Variants in SEPTIN6 observed in about 807,000 individuals in gnomAD.
The protein encoded by SEPTIN6 is septin 6, also known as septin-6.
In SEPTIN6, 8 loss-of-function variants were observed where a neutral mutation model predicts 33.6. That is an observed-to-expected ratio of 0.24 (90% CI 0.14 to 0.43). The LOEUF (loss-of-function observed/expected upper bound fraction) is 0.43, where lower values mean the gene tolerates loss of function less well. SEPTIN6 is among the 20% of genes least tolerant of loss of function. SEPTIN6 has a pLI of 1.00. For missense variants in SEPTIN6, 250 were observed against 340.8 expected (o/e 0.73, Z 2.10); for synonymous variants, 131 against 140.0 (o/e 0.94, Z 0.45).
At chrX:119,684,136 G>T (rs548401282) in intron 1 of SEPTIN6, among the ~76,000 whole-genome samples, 1 of 110,228 alleles carries the variant, frequency 9.1e-6, no homozygotes, top group Non-Finnish European at 1.9e-5. Flanking sequence ...GTAGAGATGG[G>T]GTTTCACCAT....
intron 10 of SEPTIN6, among the ~76,000 whole-genome samples, chrX:119,623,836 C>G (rs192153487): frequency 1.8e-5 from 2 of 111,433 alleles, no homozygotes; most frequent in Admixed American, 1.9e-4. Flanking sequence ...GAGACTCCGT[C>G]TCAAAAAAAG....
At chrX:119,689,347 A>G (rs2055116230) in intron 1 of SEPTIN6, among the ~76,000 whole-genome samples, 1 of 111,935 alleles carries the variant, frequency 8.9e-6, no homozygotes, top group South Asian at 3.7e-4. Context: ...CTCGAAATAT[A>G]TATTAATAGC....
intron 10 of SEPTIN6, among the ~76,000 whole-genome samples, chrX:119,623,242 C>A (rs761591974): frequency 5.4e-5 from 6 of 111,981 alleles, no homozygotes; most frequent in Non-Finnish European, 1.1e-4. Context: ...ATTTATGAGA[C>A]AACCGGGATG....
rs777283174 is a variant in SEPTIN6 at position 119,653,018 on chromosome X, T to C, written c.364A>G (p.Ile122Val). ...AGGTAGGCCTCGAATTGTGCATCGA[T>C]GAATTCCACGATAGGCTTGTAGCTA... Reference protein sequence around the residue: ...EDSYKPIVEFIDAQFEAYLQE... With the variant: ...EDSYKPIVEFVDAQFEAYLQE... The change falls in exon 4 of 11, where the codon ATC becomes GTC. Residue 122 changes from isoleucine (I) to valine (V), a missense_variant. This residue lies in a region of SEPTIN6 where 111 missense variants were observed against 113.8 expected (regional missense o/e 0.98). Coordinates refer to ENST00000394610, the MANE Select transcript of SEPTIN6 (RefSeq NM_145799.4). 1 of 1,209,788 alleles carries C rather than the reference T, an allele frequency of 8.3e-7. No individual in the cohort carries two copies. The highest frequency in any genetic ancestry group is 3.0e-5 in the East Asian group (1 of 33,801).
chrX:119,620,614 C>T (rs1209146739), intron 10 of SEPTIN6, among the ~76,000 whole-genome samples: 1 of 107,269 alleles, frequency 9.3e-6, no homozygotes, highest in African/African-American at 3.4e-5. Context: ...CCACTGCACC[C>T]GGCTCTTTTT....
At chrX:119,644,357 C>T (rs920161878) in intron 5 of SEPTIN6, among the ~76,000 whole-genome samples, 3 of 110,738 alleles carry the variant, frequency 2.7e-5, no homozygotes, top group African/African-American at 9.9e-5. Flanking sequence ...TTTTGTCTTG[C>T]TACAGTAAAC....
At position 119,665,288 on chromosome X, in the gene SEPTIN6, G is replaced by A. The variant is rs1171268644; in HGVS notation, c.146-1611C>T. On this transcript the variant is annotated intron_variant, in intron 2 of 10. Transcript: ENST00000394610. ...CCTGCTAATTTTTGTATTTTCAGTA[G>A]AGATGGGGTTTCACCATGTTGGCTA... 4.1e-4 allele frequency among the ~76,000 whole-genome samples: 45 copies of A among 109,855 alleles called. 1 individual carries two copies. The highest frequency in any genetic ancestry group is 3.9e-3 in the Admixed American group (40 of 10,298).
intron 2 of SEPTIN6, among the ~76,000 whole-genome samples, chrX:119,671,373 C>T (rs1384186911): frequency 2.8e-5 from 3 of 108,019 alleles, no homozygotes; most frequent in Non-Finnish European, 5.8e-5. Flanking sequence ...CTGTAAGCTC[C>T]GCCTCCCGGG....
At chrX:119,669,983 C>T (rs1179542970) in intron 2 of SEPTIN6, among the ~76,000 whole-genome samples, 1 of 111,747 alleles carries the variant, frequency 8.9e-6, no homozygotes, top group Non-Finnish European at 1.9e-5. Context: ...ATGACTGCTA[C>T]TGTAGCATTT....
chrX:119,683,364 T>G (rs1250706133), intron 1 of SEPTIN6, among the ~76,000 whole-genome samples: 2 of 112,469 alleles, frequency 1.8e-5, no homozygotes, highest in Admixed American at 1.9e-4. Context: ...ACCTCCCTTT[T>G]CTCCATTTCC....
At chrX:119,616,746 GA>G, downstream of SEPTIN6, 1 of 1,190,159 alleles carries the variant, frequency 8.4e-7, no homozygotes, top group Non-Finnish European at 1.1e-6. Context: ...AAAAAAGCTG[GA>G]AAGGAGAGAG....
intron 6 of SEPTIN6, among the ~76,000 whole-genome samples, chrX:119,639,366 A>G (rs5956136): frequency 0.25 from 27,382 of 111,057 alleles, 2,847 homozygotes; most frequent in African/African-American, 0.39. Flanking sequence ...CCACAGCGCC[A>G]TCCTTGGCCT....
At chrX:119,649,111 A>ATTT (rs200217501) in intron 5 of SEPTIN6, among the ~76,000 whole-genome samples, 60 of 75,688 alleles carry the variant, frequency 7.9e-4, no homozygotes, top group African/African-American at 1.2e-3. Flanking sequence ...CATAACGCTG[A>ATTT]TTTTTTTTTT....
At chrX:119,650,650 C>G (rs1166028172) in intron 4 of SEPTIN6, among the ~76,000 whole-genome samples, 1 of 111,104 alleles carries the variant, frequency 9.0e-6, no homozygotes, top group Non-Finnish European at 1.9e-5. Flanking sequence ...CGGGTCTAGT[C>G]TAGCCCAAGC....
chrX:119,685,949 C>T (rs1052033964), intron 1 of SEPTIN6, among the ~76,000 whole-genome samples: 2 of 111,442 alleles, frequency 1.8e-5, no homozygotes, highest in Non-Finnish European at 3.8e-5. Flanking sequence ...CCCAGTTCTG[C>T]TGAAGAACCC....
intron 2 of SEPTIN6, among the ~76,000 whole-genome samples, chrX:119,667,986 C>T (rs778307270): frequency 2.7e-5 from 3 of 111,408 alleles, no homozygotes; most frequent in Non-Finnish European, 3.8e-5. Context: ...ATGAGTACTA[C>T]GAAATATGTT....
intron 4 of SEPTIN6, among the ~76,000 whole-genome samples, chrX:119,651,162 G>T (rs2054344452): frequency 9.0e-6 from 1 of 111,564 alleles, no homozygotes; most frequent in South Asian, 3.8e-4. Flanking sequence ...GGGAGCTCCA[G>T]ACGTGGAAGA....
At chrX:119,684,547 G>A (rs2055022431) in intron 1 of SEPTIN6, among the ~76,000 whole-genome samples, 1 of 102,455 alleles carries the variant, frequency 9.8e-6, no homozygotes, top group Non-Finnish European at 2.0e-5. Flanking sequence ...CTGGAGTGCG[G>A]TGGCACGATC....
At chrX:119,664,818 G>A (rs2054606429) in intron 2 of SEPTIN6, among the ~76,000 whole-genome samples, 1 of 92,528 alleles carries the variant, frequency 1.1e-5, no homozygotes, top group Non-Finnish European at 2.0e-5. Flanking sequence ...TCCACCCTGG[G>A]CAAGAGAGTG....
Sources: allele counts gnomAD v4.1 joint callset (sites outside exome capture counted in the v4.1 genomes callset), GRCh38; gene constraint gnomAD v4.1.1; regional missense constraint gnomAD v4.1.1; transcripts MANE v1.5; gene names NCBI Gene and HGNC (gene_info 2026-07-23, HGNC 2026-07-21).